Variants in PDSS2 observed in about 807,000 individuals in gnomAD.
The protein encoded by PDSS2 is decaprenyl diphosphate synthase subunit 2.
A neutral mutation model predicts 44.5 loss-of-function variants in PDSS2; 31 were observed. That is an observed-to-expected ratio of 0.70 (90% CI 0.52 to 0.94). The LOEUF is 0.94. PDSS2 is among the 40% of genes least tolerant of loss of function. The probability of loss-of-function intolerance (pLI) is 0.00; values close to 1 mark genes in which losing one functional copy is unlikely to be tolerated. For missense variants in PDSS2, 452 were observed against 482.2 expected (o/e 0.94, Z 0.59); for synonymous variants, 157 against 180.3 (o/e 0.87, Z 1.03).
At chr6:107,432,119 T>C (rs1479981019) in intron 1 of PDSS2, among the ~76,000 whole-genome samples, 1 of 152,218 alleles carries the variant, frequency 6.6e-6, no homozygotes, top group Non-Finnish European at 1.5e-5. Flanking sequence ...TACTACTGAA[T>C]GAAAGTGGTG....
At chr6:107,339,370 G>A (rs1425274459) in intron 1 of PDSS2, among the ~76,000 whole-genome samples, 1 of 152,162 alleles carries the variant, frequency 6.6e-6, no homozygotes, top group Non-Finnish European at 1.5e-5. Context: ...AAGTTCTACA[G>A]AATTGGGTTT....
intron 2 of PDSS2, among the ~76,000 whole-genome samples, chr6:107,329,064 T>C (rs991446315): frequency 2.0e-5 from 3 of 152,170 alleles, no homozygotes; most frequent in Non-Finnish European, 2.9e-5. Flanking sequence ...CCTGGCTGAC[T>C]CTCTATCTTG....
chr6:107,441,530 G>A (rs888124238), intron 1 of PDSS2, among the ~76,000 whole-genome samples: 1 of 152,230 alleles, frequency 6.6e-6, no homozygotes, highest in South Asian at 2.1e-4. Context: ...GTTGAAGAAT[G>A]TAAGAATTAG....
intron 4 of PDSS2, among the ~76,000 whole-genome samples, chr6:107,218,793 C>T (rs959913887): frequency 1.3e-5 from 2 of 152,182 alleles, no homozygotes; most frequent in South Asian, 2.1e-4. Context: ...TGCGGTGGCT[C>T]ATGCCTATAA....
Position 107,155,663 on chromosome 6 carries a change from T to C in PDSS2, c.1042-886A>G, listed in dbSNP as rs180836639. ...GGCACAATCTCTGCTCACAGCAACC[T>C]TCGCCTCTCGGGTTCAAGCGATTAT... On this transcript the variant is annotated intron_variant, in intron 7 of 7. Coordinates refer to ENST00000369037, the MANE Select transcript of PDSS2 (RefSeq NM_020381.4). 3.0e-3 allele frequency among the ~76,000 whole-genome samples: 458 copies of C among 150,610 alleles called. 3 individuals carry two copies. The highest frequency in any genetic ancestry group is 0.011 in the African/African-American group (439 of 41,056).
intron 2 of PDSS2, among the ~76,000 whole-genome samples, chr6:107,323,287 T>C (rs1777440864): frequency 6.6e-6 from 1 of 152,206 alleles, no homozygotes; most frequent in Admixed American, 6.5e-5. Flanking sequence ...CCTACTCATT[T>C]GAGGTCAAAG....
At chr6:107,458,961 A>C (rs1554284628) in intron 1 of PDSS2, 29 bp downstream of exon 1, 2 of 1,609,204 alleles carry the variant, frequency 1.2e-6, no homozygotes, top group Non-Finnish European at 1.7e-6. Context: ...AATGAGTGCG[A>C]GTGTGTCAGC....
chr6:107,402,305 CA>C (rs1024838061), intron 1 of PDSS2, among the ~76,000 whole-genome samples: 3 of 146,014 alleles, frequency 2.1e-5, no homozygotes, highest in Non-Finnish European at 4.5e-5. Flanking sequence ...AACAAACAAA[CA>C]AAAAAAACAA....
rs1410371508 is a variant in PDSS2, at chr6:107,163,426, T to G, written c.1042-8649A>C. On this transcript the variant is annotated intron_variant, in intron 7 of 7. Coordinates refer to ENST00000369037, the MANE Select transcript of PDSS2 (RefSeq NM_020381.4). ...CACCAGTAATGACTTATCAGTAATA[T>G]AATCCTTCATGAAAGGTATTATTCC... Among the ~76,000 whole-genome samples, 11 of 152,168 alleles carry G rather than the reference T, an allele frequency of 7.2e-5. No homozygotes were observed. The East Asian group carries it at 2.1e-3, about 29-fold the overall frequency.
At position 107,212,123 on chromosome 6, in the gene PDSS2, C is replaced by T. The variant is rs759961328; in HGVS notation, c.862G>A (p.Ala288Thr). 1 of 1,613,870 alleles carries T rather than the reference C, an allele frequency of 6.2e-7. No homozygotes were observed. The highest frequency in any genetic ancestry group is 1.3e-5 in the African/African-American group (1 of 75,036). Residue 288 changes from alanine to threonine, a missense_variant, in exon 5 of 8, where the codon GCC (alanine) becomes ACC (threonine). By Grantham distance (58) the Ala-to-Thr change is moderately conservative. Transcript: ENST00000369037. ...NMAFQYGKHM[A>T]MSHKINSDVQ... ...GTGCAAAGTACCTTATGACTCATGG[C>T]CATGTGCTTCCCATACTGAAATGCC... is the stretch of plus-strand genomic sequence containing the variant.
At chr6:107,225,964 T>C (rs755154536) in intron 4 of PDSS2, among the ~76,000 whole-genome samples, 1 of 152,210 alleles carries the variant, frequency 6.6e-6, no homozygotes, top group Non-Finnish European at 1.5e-5. Context: ...CTTGCTCTCA[T>C]AGTTATTACA....
intron 2 of PDSS2, among the ~76,000 whole-genome samples, chr6:107,283,723 A>AAAAT (rs201094915): frequency 4.3e-4 from 65 of 151,788 alleles, no homozygotes; most frequent in East Asian, 2.7e-3. Context: ...TCCATCTCAA[A>AAAAT]AAATAAATAA....
intron 4 of PDSS2, among the ~76,000 whole-genome samples, chr6:107,220,368 T>C (rs1773561046): frequency 6.6e-6 from 1 of 152,074 alleles, no homozygotes. Flanking sequence ...TCCTCATTTA[T>C]TCATGCAAAA....
chr6:107,454,096 G>A (rs1475620672), intron 1 of PDSS2, among the ~76,000 whole-genome samples: 3 of 147,796 alleles, frequency 2.0e-5, no homozygotes, highest in African/African-American at 7.5e-5. Context: ...TGCCCAGGAT[G>A]GAGCACAGTG....
intron 3 of PDSS2, among the ~76,000 whole-genome samples, chr6:107,262,782 GA>G (rs923142136): frequency 3.4e-5 from 5 of 149,050 alleles, no homozygotes; most frequent in Admixed American, 6.7e-5. Context: ...AAAAAAAAAA[GA>G]AAAAAAAAGG....
chr6:107,252,431 G>C (rs1256713358), intron 3 of PDSS2, among the ~76,000 whole-genome samples: 1 of 152,180 alleles, frequency 6.6e-6, no homozygotes, highest in African/African-American at 2.4e-5. Flanking sequence ...ATCTGTTCTA[G>C]TGAGCTGGAA....
chr6:107,199,622 C>T (rs1014365588), intron 6 of PDSS2, among the ~76,000 whole-genome samples: 1 of 152,204 alleles, frequency 6.6e-6, no homozygotes, highest in Non-Finnish European at 1.5e-5. Flanking sequence ...TTTAGATATG[C>T]TTCGTCTACA....
chr6:107,411,595 T>C (rs1050132000), intron 1 of PDSS2, among the ~76,000 whole-genome samples: 5 of 152,056 alleles, frequency 3.3e-5, no homozygotes, highest in African/African-American at 1.2e-4. Context: ...AGAAAAAAAA[T>C]AGATGGTTGT....
At chr6:107,189,146 C>G (rs751743017) in intron 7 of PDSS2, among the ~76,000 whole-genome samples, 1 of 152,142 alleles carries the variant, frequency 6.6e-6, no homozygotes, top group Non-Finnish European at 1.5e-5. Flanking sequence ...CTCTCAGGCT[C>G]AAGCAATCCT....
Sources: gnomAD v4.1 joint callset for allele counts (sites outside exome capture counted in the v4.1 genomes callset) on GRCh38, gnomAD v4.1.1 for gene constraint, MANE v1.5 for transcripts, NCBI Gene and HGNC (gene_info 2026-07-23, HGNC 2026-07-21) for gene names.